UST: variants seen among roughly 807,000 people sequenced by gnomAD.
The protein encoded by UST is uronyl 2-sulfotransferase, also known as chondroitin sulfate 2-O-sulfotransferase.
A neutral mutation model predicts 45.6 loss-of-function variants in UST; 21 were observed. The observed-to-expected ratio is 0.46, with a 90% CI of 0.33 to 0.66. The LOEUF is 0.66. UST is among the 30% of genes least tolerant of loss of function. UST has a pLI of 0.02. For missense variants in UST, 463 were observed against 512.4 expected, an observed-to-expected ratio of 0.90 and a Z score of 0.93; for synonymous variants, 215 against 200.6, an observed-to-expected ratio of 1.07 and a Z score of -0.61.
At chr6:148,792,137 T>G (rs1776860885) in intron 1 of UST, among the ~76,000 whole-genome samples, 1 of 152,216 alleles carries the variant, frequency 6.6e-6, no homozygotes, top group Non-Finnish European at 1.5e-5. Flanking sequence ...CTCTGCTTCT[T>G]TCCAATCTTA....
chr6:148,788,651 T>G (rs1249366795), intron 1 of UST, among the ~76,000 whole-genome samples: 1 of 152,184 alleles, frequency 6.6e-6, no homozygotes, highest in Non-Finnish European at 1.5e-5. Context: ...ACCTATAACG[T>G]GTCTTAAGAG....
At chr6:149,036,820 T>G (rs1243321762) in intron 7 of UST, among the ~76,000 whole-genome samples, 2 of 152,198 alleles carry the variant, frequency 1.3e-5, no homozygotes, top group Admixed American at 1.3e-4. Flanking sequence ...TGGATGACAT[T>G]ACCATGATGA....
intron 5 of UST, among the ~76,000 whole-genome samples, chr6:148,982,947 A>G (rs1270279331): frequency 1.3e-5 from 2 of 152,228 alleles, no homozygotes; most frequent in African/African-American, 4.8e-5. Flanking sequence ...ATTGATTTAA[A>G]TGTTTTTGAT....
intron 1 of UST, among the ~76,000 whole-genome samples, chr6:148,795,362 T>G (rs1776929342): frequency 1.3e-5 from 2 of 152,162 alleles, no homozygotes; most frequent in African/African-American, 2.4e-5. Context: ...GCTGGTTAAC[T>G]TTAAGGGTGG....
intron 5 of UST, among the ~76,000 whole-genome samples, chr6:148,982,418 G>A (rs572561424): frequency 6.6e-6 from 1 of 152,098 alleles, no homozygotes; most frequent in Non-Finnish European, 1.5e-5. Flanking sequence ...CTTTTGTAAG[G>A]CCACCTAGTC....
At position 148,921,876 on chromosome 6, in the gene UST, G is replaced by A. The variant is rs78104513; in HGVS notation, c.292-19403G>A. On this transcript the variant is annotated intron_variant, in intron 2 of 7. Coordinates refer to ENST00000367463, the MANE Select transcript of UST (RefSeq NM_005715.3). ...CCCATGCCCCACTCTTCCACCCTGT[G>A]CCCCAGCCATGTGATACATCTCTAC... Among the ~76,000 whole-genome samples the A allele has an allele frequency of 0.021, 3,191 of 152,138 alleles. 325 individuals are homozygous for A. The East Asian group carries it at 0.32, about 15-fold the overall frequency.
intron 7 of UST, among the ~76,000 whole-genome samples, chr6:149,039,555 C>A (rs1054508716): frequency 2.6e-5 from 4 of 152,184 alleles, no homozygotes; most frequent in Admixed American, 1.3e-4. Context: ...ATTAGCATTG[C>A]TATTCTACAA....
At chr6:149,059,877 C>G (rs754361954) in intron 7 of UST, among the ~76,000 whole-genome samples, 1 of 152,040 alleles carries the variant, frequency 6.6e-6, no homozygotes, top group Non-Finnish European at 1.5e-5. Flanking sequence ...GGTTAGGACC[C>G]GCCTCCGTGA....
chr6:148,788,897 T>A (rs1776784603), intron 1 of UST, among the ~76,000 whole-genome samples: 1 of 152,250 alleles, frequency 6.6e-6, no homozygotes, highest in Non-Finnish European at 1.5e-5. Flanking sequence ...AGGAAAATGC[T>A]GTGGTTAAGG....
chr6:148,873,968 G>A lies in UST; in HGVS notation c.248-13018G>A, dbSNP rs758514811. Among the ~76,000 whole-genome samples, 10 of 152,230 alleles carry A rather than the reference G, an allele frequency of 6.6e-5. No homozygotes were observed. The East Asian group carries it at 7.7e-4, about 12-fold the overall frequency. ...AAGCACATGATGGAAAGTGTCAATC[G>A]TTGTGGCAGCCACATGACATCTAGG... On this transcript the variant is annotated intron_variant, in intron 1 of 7. Transcript: ENST00000367463.
intron 5 of UST, among the ~76,000 whole-genome samples, chr6:149,011,895 A>C (rs1197010765): frequency 1.5e-5 from 2 of 131,800 alleles, no homozygotes; most frequent in Non-Finnish European, 3.2e-5. Context: ...GATTTACTTA[A>C]CTCATATGAA....
intron 1 of UST, among the ~76,000 whole-genome samples, chr6:148,859,902 T>C (rs1778274397): frequency 6.6e-6 from 1 of 152,224 alleles, no homozygotes; most frequent in Admixed American, 6.5e-5. Flanking sequence ...TGTAGCCTTG[T>C]CATTTAGTTT....
chr6:148,948,098 T>TG (rs1780286130), intron 3 of UST, among the ~76,000 whole-genome samples: 1 of 152,158 alleles, frequency 6.6e-6, no homozygotes, highest in Non-Finnish European at 1.5e-5. Context: ...AGGCGTGTGT[T>TG]GCGCTGACTG....
At chr6:148,926,171 T>C (rs905775612) in intron 2 of UST, among the ~76,000 whole-genome samples, 1 of 152,206 alleles carries the variant, frequency 6.6e-6, no homozygotes, top group Non-Finnish European at 1.5e-5. Context: ...CGATACAGCA[T>C]TTCGAAGCTA....
At chr6:148,890,750 CA>C (rs982145762) in intron 2 of UST, among the ~76,000 whole-genome samples, 4 of 152,296 alleles carry the variant, frequency 2.6e-5, no homozygotes, top group Admixed American at 6.5e-5. Context: ...CCTCACAGCT[CA>C]CCTCGGTTTT....
intron 1 of UST, among the ~76,000 whole-genome samples, chr6:148,755,806 C>T (rs1460545343): frequency 6.6e-6 from 1 of 152,126 alleles, no homozygotes; most frequent in Non-Finnish European, 1.5e-5. Context: ...GCCACCTCCA[C>T]AGAGCTAGAT....
At chr6:148,784,184 A>G (rs999515648) in intron 1 of UST, among the ~76,000 whole-genome samples, 2 of 152,318 alleles carry the variant, frequency 1.3e-5, no homozygotes, top group African/African-American at 4.8e-5. Context: ...CTCACTATGA[A>G]AAAGGTAACA....
At chr6:149,026,509 T>C (rs886940438) in intron 7 of UST, among the ~76,000 whole-genome samples, 1 of 152,202 alleles carries the variant, frequency 6.6e-6, no homozygotes, top group African/African-American at 2.4e-5. Context: ...TCAGTATTTT[T>C]CTAGTCATAA....
chr6:148,808,697 A>G (rs1430254772), intron 1 of UST, among the ~76,000 whole-genome samples: 2 of 152,114 alleles, frequency 1.3e-5, no homozygotes, highest in Non-Finnish European at 2.9e-5. Context: ...CCCCAAATTC[A>G]TATGTTGAAG....
Sources: gnomAD v4.1 joint callset for allele counts (sites outside exome capture counted in the v4.1 genomes callset) on GRCh38, gnomAD v4.1.1 for gene constraint, MANE v1.5 for transcripts, NCBI Gene and HGNC (gene_info 2026-07-23, HGNC 2026-07-21) for gene names.